The following HK1 variants were observed in gnomAD, a reference collection of about 807,000 sequenced individuals.
HK1 encodes hexokinase-1.
HK1 carries 28 observed loss-of-function variants against 91.6 expected under a neutral mutation model. The ratio of observed to expected loss-of-function variants is 0.31; its 90% CI spans 0.23 to 0.42. The LOEUF (loss-of-function observed/expected upper bound fraction) is 0.42. Among genes scored for constraint, HK1 ranks in the 10% least tolerant of loss-of-function variants. HK1 has a pLI of 1.00. For missense variants in HK1, 770 were observed against 1,219.8 expected, an observed-to-expected ratio of 0.63 and a Z score of 5.49; for synonymous variants, 430 against 468.1, an observed-to-expected ratio of 0.92 and a Z score of 1.05.
intron 14 of HK1, among the ~76,000 whole-genome samples, chr10:69,391,681 G>T (rs1839902549): frequency 6.6e-6 from 1 of 152,164 alleles, no homozygotes; most frequent in Non-Finnish European, 1.5e-5. Context: ...TCTATGGTAT[G>T]ATAGAAGATA....
chr10:69,373,789 C>G (rs1850144201), intron 7 of HK1, among the ~76,000 whole-genome samples: 1 of 151,788 alleles, frequency 6.6e-6, no homozygotes, highest in African/African-American at 2.4e-5. Context: ...CTGGGTCTCC[C>G]TATGTTGCCC....
intron 4 of HK1, chr10:69,296,057 C>A: frequency 3.6e-6 from 1 of 280,424 alleles, no homozygotes; most frequent in Non-Finnish European, 6.8e-6. Context: ...TACAGTCAGG[C>A]ATGCCAGAAA....
At chr10:69,370,703 T>A (rs955315537) in intron 7 of HK1, among the ~76,000 whole-genome samples, 2 of 152,110 alleles carry the variant, frequency 1.3e-5, no homozygotes, top group African/African-American at 4.8e-5. Flanking sequence ...AGAGTATAAG[T>A]CATGTAGACG....
intron 4 of HK1, among the ~76,000 whole-genome samples, chr10:69,300,096 G>A (rs376072173): frequency 1.6e-4 from 24 of 151,734 alleles, no homozygotes; most frequent in African/African-American, 4.6e-4. Flanking sequence ...CACCATGCCC[G>A]GCTGTTTAAG....
intron 2 of HK1, among the ~76,000 whole-genome samples, chr10:69,351,527 C>CA (rs370984801): frequency 0.13 from 19,308 of 151,264 alleles, 1,379 homozygotes; most frequent in South Asian, 0.27. Flanking sequence ...AAAACAAAAA[C>CA]AAAAAAAACA....
At chr10:69,379,799 C>G in intron 8 of HK1, 63 bp from the exon 9 acceptor site, 2 of 1,175,888 alleles carry the variant, frequency 1.7e-6, no homozygotes, top group Non-Finnish European at 2.6e-6. Context: ...ACCTTTGAGC[C>G]TCAGTGCTTT....
chr10:69,390,264 G>T (rs1839836666), intron 14 of HK1, among the ~76,000 whole-genome samples: 1 of 152,218 alleles, frequency 6.6e-6, no homozygotes, highest in Admixed American at 6.5e-5. Context: ...AATGGGCTTG[G>T]GTATGAAATG....
intron 4 of HK1, among the ~76,000 whole-genome samples, chr10:69,367,531 G>C (rs1422303302): frequency 6.6e-6 from 1 of 152,220 alleles, no homozygotes; most frequent in Non-Finnish European, 1.5e-5. Context: ...AGAGGAGGCA[G>C]ATAGTGTCCA....
intron 1 of HK1, among the ~76,000 whole-genome samples, chr10:69,272,127 G>A (rs1844202562): frequency 6.6e-6 from 1 of 152,192 alleles, no homozygotes; most frequent in Non-Finnish European, 1.5e-5. Flanking sequence ...GCCTCCAAAA[G>A]TGCTGGGATT....
rs559562986 is a variant in HK1 at position 69,380,378 on chromosome 10, C to T, written c.1265+283C>T. ...TTAGTTCTGGGCATAAGGTCAGCGT[C>T]GCCCCCTTGGGAAGTATCGCCCTTA... On this transcript the variant is annotated intron_variant, in intron 9 of 17. Coordinates refer to ENST00000359426, the MANE Select transcript of HK1 (RefSeq NM_000188.3). The surrounding 1 kb of genome is among the most constrained non-coding windows in gnomAD (Gnocchi z 4.0). 2.0e-5 allele frequency among the ~76,000 whole-genome samples: 3 copies of T among 152,262 alleles called. No individual in the cohort carries two copies. The highest frequency in any genetic ancestry group is 6.5e-5 in the Admixed American group (1 of 15,296).
chr10:69,292,364 C>T (rs765161385), intron 3 of HK1: 21 of 445,736 alleles, frequency 4.7e-5, no homozygotes, highest in South Asian at 3.2e-4. Flanking sequence ...TGAGCCACTG[C>T]ACCCAGCTTA....
Position 69,369,065 on chromosome 10 carries a change from T to G in HK1, c.592-172T>G, listed in dbSNP as rs1849857516. On this transcript the variant is annotated intron_variant, in intron 5 of 17. Coordinates refer to ENST00000359426, the MANE Select transcript of HK1 (RefSeq NM_000188.3). The surrounding 1 kb of genome is among the most constrained non-coding windows in gnomAD (Gnocchi z 4.4). Reference sequence around the variant, plus strand: ...AAGGAAACTGTGAGGTTTTCATCATTTAATCACCATGCTCTGATCTAGTTA... The same window carrying G: ...AAGGAAACTGTGAGGTTTTCATCATGTAATCACCATGCTCTGATCTAGTTA... 6.6e-6 allele frequency among the ~76,000 whole-genome samples: 1 copy of G among 152,186 alleles called. No homozygotes were observed. Among genetic ancestry groups the G allele is most frequent in the African/African-American group, 2.4e-5 (1 of 41,444 alleles).
intron 5 of HK1, among the ~76,000 whole-genome samples, chr10:69,303,693 A>G (rs1845981406): frequency 6.6e-6 from 1 of 151,814 alleles, no homozygotes; most frequent in Non-Finnish European, 1.5e-5. Context: ...ACAAGCTCCC[A>G]AACTTGTAAC....
intron 4 of HK1, among the ~76,000 whole-genome samples, chr10:69,365,157 A>G (rs988680996): frequency 2.0e-5 from 3 of 152,178 alleles, no homozygotes; most frequent in African/African-American, 7.2e-5. Flanking sequence ...GCATTTATTA[A>G]TCTTAGGCAA....
At position 69,369,887 on chromosome 10, in the gene HK1, A is replaced by G. The variant is rs1005526772; in HGVS notation, c.875+263A>G. On this transcript the variant is annotated intron_variant, in intron 7 of 17. Coordinates refer to ENST00000359426, the MANE Select transcript of HK1 (RefSeq NM_000188.3). This position sits in a 1 kb window ranked among gnomAD's most constrained non-coding sequence, Gnocchi z 4.4. ...CAAGTAGCTGGGATTACAGGCATGC[A>G]TCACCATGCCCAGCTAATTTTTGTA... 1.3e-5 allele frequency among the ~76,000 whole-genome samples: 2 copies of G among 152,074 alleles called. No homozygotes were observed. Among genetic ancestry groups the G allele is most frequent in the Non-Finnish European group, 2.9e-5 (2 of 68,020 alleles).
intron 3 of HK1, among the ~76,000 whole-genome samples, chr10:69,293,986 C>T (rs186617717): frequency 2.1e-3 from 322 of 151,246 alleles, no homozygotes; most frequent in Admixed American, 3.8e-3. Flanking sequence ...CTCAGCCTCC[C>T]GAGTAGCTGG....
chr10:69,326,020 G>C (rs1430626368), intron 1 of HK1, among the ~76,000 whole-genome samples: 2 of 151,774 alleles, frequency 1.3e-5, no homozygotes, highest in African/African-American at 4.8e-5. Flanking sequence ...ATTTTTTGTA[G>C]AGACGGGGTT....
chr10:69,364,393 G>T (rs1849589273), intron 3 of HK1, among the ~76,000 whole-genome samples: 1 of 152,154 alleles, frequency 6.6e-6, no homozygotes, highest in South Asian at 2.1e-4. Context: ...GTGGCGTCGG[G>T]CGGGGCGGGA....
At chr10:69,283,220 G>A (rs1812243676) in intron 2 of HK1, among the ~76,000 whole-genome samples, 3 of 151,392 alleles carry the variant, frequency 2.0e-5, no homozygotes, top group South Asian at 2.1e-4. Flanking sequence ...GCCAAGGCGG[G>A]AGGATCACTT....
Sources: allele counts gnomAD v4.1 joint callset (sites outside exome capture counted in the v4.1 genomes callset), GRCh38; gene constraint gnomAD v4.1.1; non-coding constraint Gnocchi (gnomAD v3.1); transcripts MANE v1.5; gene names NCBI Gene and HGNC (gene_info 2026-07-23, HGNC 2026-07-21).